The following CPNE8 variants were observed in gnomAD, a reference collection of about 807,000 sequenced individuals.
The protein encoded by CPNE8 is copine-8.
A neutral mutation model predicts 81.5 loss-of-function variants in CPNE8; 45 were observed. The ratio of observed to expected loss-of-function variants is 0.55; its 90% CI spans 0.44 to 0.71. CPNE8 has a LOEUF of 0.71. CPNE8 is among the 30% of genes least tolerant of loss of function. The pLI is 0.00. For missense variants in CPNE8, 594 were observed against 672.1 expected (o/e 0.88, Z 1.28); for synonymous variants, 252 against 226.3 (o/e 1.11, Z -1.02).
Position 38,762,176 on chromosome 12 carries a change from G to T in CPNE8, c.616C>A (p.Leu206Ile). ...CHKTEVVKNT[L>I]NPVWQAFKIS... Reference sequence around the variant, plus strand: ...TTGAATGCTTGCCATACTGGATTTAGAGTGTTTTTGACAACTTCTGTCTTG... The same window carrying T: ...TTGAATGCTTGCCATACTGGATTTATAGTGTTTTTGACAACTTCTGTCTTG... The change falls in exon 9 of 20, where the codon CTA becomes ATA. Residue 206 changes from leucine to isoleucine, a missense_variant. By Grantham distance (5) the Leu-to-Ile change is conservative. Coordinates refer to ENST00000331366, the MANE Select transcript of CPNE8 (RefSeq NM_153634.3). 6.2e-7 allele frequency: 1 copy of T among 1,606,236 alleles called. No homozygotes were observed. Among genetic ancestry groups the T allele is most frequent in the Non-Finnish European group, 8.5e-7 (1 of 1,175,908 alleles).
chr12:38,754,459 G>A (rs1941418037), intron 10 of CPNE8, among the ~76,000 whole-genome samples: 1 of 151,874 alleles, frequency 6.6e-6, no homozygotes, highest in East Asian at 1.9e-4. Context: ...TTAAAATATT[G>A]TATAAAGATT....
intron 6 of CPNE8, among the ~76,000 whole-genome samples, chr12:38,807,508 T>C (rs1420590979): frequency 6.0e-5 from 9 of 150,854 alleles, no homozygotes; most frequent in African/African-American, 1.5e-4. Flanking sequence ...GGGAAAGGAT[T>C]CCCTATTTAA....
chr12:38,679,092 A>C (rs1939355226), intron 16 of CPNE8, among the ~76,000 whole-genome samples: 1 of 151,906 alleles, frequency 6.6e-6, no homozygotes, highest in Non-Finnish European at 1.5e-5. Flanking sequence ...TCAGAAAGAT[A>C]GGGTTTTATA....
At chr12:38,737,553 C>T (rs929742940) in intron 10 of CPNE8, among the ~76,000 whole-genome samples, 1 of 152,002 alleles carries the variant, frequency 6.6e-6, no homozygotes, top group South Asian at 2.1e-4. Flanking sequence ...TATTTTTTTA[C>T]TTTTTTCACT....
chr12:38,784,402 C>A (rs1468913112), intron 6 of CPNE8, among the ~76,000 whole-genome samples: 1 of 152,080 alleles, frequency 6.6e-6, no homozygotes, highest in African/African-American at 2.4e-5. Context: ...AATCTAAAAG[C>A]TACTGGCCTT....
intron 1 of CPNE8, among the ~76,000 whole-genome samples, chr12:38,886,107 T>G (rs1395970634): frequency 6.6e-6 from 1 of 152,202 alleles, no homozygotes; most frequent in Admixed American, 6.5e-5. Context: ...TCATATTTTA[T>G]AATTCTGGCA....
intron 10 of CPNE8, among the ~76,000 whole-genome samples, chr12:38,754,235 C>A (rs576108673): frequency 6.6e-6 from 1 of 152,026 alleles, no homozygotes; most frequent in Admixed American, 6.5e-5. Context: ...AGGACAAACA[C>A]CAAAACTGCA....
chr12:38,683,027 C>CAA (rs964442531), intron 16 of CPNE8, among the ~76,000 whole-genome samples: 1 of 151,100 alleles, frequency 6.6e-6, no homozygotes, highest in African/African-American at 2.4e-5. Context: ...TGGAAAGCCT[C>CAA]AAAAAAAAGC....
At chr12:38,872,980 T>G (rs368851839) in intron 3 of CPNE8, 24 bp downstream of exon 3, 2 of 1,370,216 alleles carry the variant, frequency 1.5e-6, no homozygotes, top group African/African-American at 2.9e-5. Flanking sequence ...CCCAGTGATT[T>G]TTTTAAAAAA....
intron 19 of CPNE8, among the ~76,000 whole-genome samples, chr12:38,664,784 C>T (rs1192025572): frequency 6.6e-6 from 1 of 152,056 alleles, no homozygotes; most frequent in Admixed American, 6.6e-5. Flanking sequence ...CAATTTCAAC[C>T]TAGGATGGGA....
At chr12:38,679,491 GAA>G (rs1414538747) in intron 16 of CPNE8, 1 of 591,428 alleles carries the variant, frequency 1.7e-6, no homozygotes, top group Non-Finnish European at 2.1e-6. Context: ...TCTTCACTTT[GAA>G]AACCATTAAA....
At chr12:38,800,068 C>A (rs12425579) in intron 6 of CPNE8, among the ~76,000 whole-genome samples, 2 of 127,618 alleles carry the variant, frequency 1.6e-5, no homozygotes, top group African/African-American at 5.4e-5. Flanking sequence ...AAGGCGGCAA[C>A]GAGGCTGGGG....
intron 18 of CPNE8, among the ~76,000 whole-genome samples, chr12:38,674,101 T>C (rs1476292350): frequency 5.9e-5 from 9 of 152,052 alleles, no homozygotes; most frequent in Admixed American, 5.9e-4. Flanking sequence ...TTATCATACC[T>C]TAAAACCCTA....
At chr12:38,730,972 G>C (rs1456701406) in intron 10 of CPNE8, among the ~76,000 whole-genome samples, 1 of 151,734 alleles carries the variant, frequency 6.6e-6, no homozygotes, top group Non-Finnish European at 1.5e-5. Context: ...GGTGAGGAGG[G>C]GTAAGGATTG....
chr12:38,859,268 A>G (rs1053477424), intron 3 of CPNE8, among the ~76,000 whole-genome samples: 2 of 152,162 alleles, frequency 1.3e-5, no homozygotes, highest in Non-Finnish European at 2.9e-5. Context: ...AAATCTATAT[A>G]CAAAAATCAG....
chr12:38,818,900 T>C (rs1301789160), intron 6 of CPNE8, among the ~76,000 whole-genome samples: 2 of 152,238 alleles, frequency 1.3e-5, no homozygotes, highest in African/African-American at 4.8e-5. Flanking sequence ...TGAGCTTTTT[T>C]TCATATGTTT....
chr12:38,674,084 TG>T (rs1475754487), intron 18 of CPNE8, among the ~76,000 whole-genome samples: 2 of 151,890 alleles, frequency 1.3e-5, no homozygotes, highest in Non-Finnish European at 2.9e-5. Context: ...AGAGAGAAAA[TG>T]ATGAATTATC....
rs189597348 is a variant in CPNE8 at position 38,656,247 on chromosome 12, T to G, written c.1507-2177A>C. ...ACTATAATTTACTTAATTCTTATTC[T>G]AGAAGGTATAATGCTTTAAATGTTA... On this transcript the variant is annotated intron_variant, in intron 19 of 19. Transcript: ENST00000331366. Among the ~76,000 whole-genome samples, 9 of 151,852 alleles carry G rather than the reference T, an allele frequency of 5.9e-5. No individual in the cohort carries two copies. The East Asian group carries it at 1.5e-3, about 26-fold the overall frequency.
chr12:38,705,838 G>GA (rs1013831594), intron 13 of CPNE8, among the ~76,000 whole-genome samples: 3 of 150,984 alleles, frequency 2.0e-5, no homozygotes, highest in Non-Finnish European at 3.0e-5. Context: ...CTGGCAGATA[G>GA]AAAAAAAATG....
Sources: gnomAD v4.1 joint callset for allele counts (sites outside exome capture counted in the v4.1 genomes callset) on GRCh38, gnomAD v4.1.1 for gene constraint, MANE v1.5 for transcripts, NCBI Gene and HGNC (gene_info 2026-07-23, HGNC 2026-07-21) for gene names.